Variants in TBC1D9 observed in about 807,000 individuals in gnomAD.
The protein encoded by TBC1D9 is TBC1 domain family member 9A.
A neutral mutation model predicts 132.0 loss-of-function variants in TBC1D9; 63 were observed. That is an observed-to-expected ratio of 0.48 (90% CI 0.39 to 0.59). TBC1D9 has a LOEUF of 0.59. Among genes scored for constraint, TBC1D9 ranks in the 20% least tolerant of loss-of-function variants. The pLI is 0.00. For missense variants in TBC1D9, 1,261 were observed against 1,592.7 expected, an observed-to-expected ratio of 0.79 and a Z score of 3.54; for synonymous variants, 610 against 609.9, an observed-to-expected ratio of 1.00 and a Z score of 0.00.
intron 1 of TBC1D9, among the ~76,000 whole-genome samples, chr4:140,720,200 G>A (rs1186352823): frequency 6.6e-6 from 1 of 152,212 alleles, no homozygotes; most frequent in Non-Finnish European, 1.5e-5. Context: ...TCAATAGCAA[G>A]GGAGTGCTTG....
At chr4:140,697,112 C>T (rs1737971888) in intron 2 of TBC1D9, among the ~76,000 whole-genome samples, 1 of 152,130 alleles carries the variant, frequency 6.6e-6, no homozygotes, top group South Asian at 2.1e-4. Context: ...TGTGGTGGCT[C>T]ACACTTGTAA....
In TBC1D9 at chr4:140,657,641, A is replaced by G; in HGVS notation, c.2093T>C (p.Phe698Ser). The G allele has an allele frequency of 6.2e-7, 1 of 1,614,070 alleles. No homozygotes were observed. Among genetic ancestry groups the G allele is most frequent in the Non-Finnish European group, 8.5e-7 (1 of 1,179,904 alleles). Residue 698 changes from phenylalanine (F) to serine (S), a missense_variant, in exon 12 of 21, where the codon TTC (phenylalanine) becomes TCC (serine). This residue lies in a region of TBC1D9 where 618 missense variants were observed against 724.4 expected (regional missense o/e 0.85). Coordinates refer to ENST00000442267, the MANE Select transcript of TBC1D9 (RefSeq NM_015130.3). ...TATCACTTTAATTCCTTCATAGAAGAAACAGTCAACAACCACAACTGCACT... is the reference window on the plus strand; with the variant it reads ...TATCACTTTAATTCCTTCATAGAAGGAACAGTCAACAACCACAACTGCACT... ...FESAVVVVDC[F>S]FYEGIKVIFQ...
intron 1 of TBC1D9, among the ~76,000 whole-genome samples, chr4:140,714,444 G>A (rs1160589520): frequency 1.3e-5 from 2 of 152,154 alleles, no homozygotes; most frequent in African/African-American, 4.8e-5. Context: ...TTTCTTAATG[G>A]CGATTGAAAG....
chr4:140,695,159 A>T (rs919831447), intron 2 of TBC1D9, among the ~76,000 whole-genome samples: 2 of 152,224 alleles, frequency 1.3e-5, no homozygotes, highest in African/African-American at 4.8e-5. Context: ...TAATTATAAA[A>T]GCCAGCATGG....
At position 140,622,360 on chromosome 4, in the gene TBC1D9, G is replaced by C; in HGVS notation, c.3636C>G (p.Thr1212=). 6.2e-7 allele frequency: 1 copy of C among 1,613,608 alleles called. No individual in the cohort carries two copies. Among genetic ancestry groups the C allele is most frequent in the African/African-American group, 1.3e-5 (1 of 75,076 alleles). The stretch of plus-strand genomic sequence containing the variant: ...AGAGGGAGGCCAGGAACTGCTCGAA[G>C]GTGATGGCCCAGTCCCGGTCCAGGC... ...STSLDRDWAI[T]FEQFLASLLT... is the part of the protein sequence containing the mutation. The change falls in exon 21 of 21, where the codon ACC becomes ACG. Residue 1212 remains threonine, a synonymous_variant. Coordinates refer to ENST00000442267, the MANE Select transcript of TBC1D9 (RefSeq NM_015130.3).
chr4:140,623,015 A>C, intron 20 of TBC1D9, 98 bp from the exon 21 acceptor site: 1 of 1,386,628 alleles, frequency 7.2e-7, no homozygotes, highest in African/African-American at 1.5e-5. Context: ...GAACGCCTAA[A>C]GATCCCTGGA....
chr4:140,710,609 A>G (rs1020324942), intron 1 of TBC1D9, among the ~76,000 whole-genome samples: 1 of 151,880 alleles, frequency 6.6e-6, no homozygotes, highest in East Asian at 1.9e-4. Context: ...TCTCCTAAGC[A>G]CCCTCAAAAG....
chr4:140,725,192 T>A (rs1245143790), intron 1 of TBC1D9, among the ~76,000 whole-genome samples: 1 of 152,192 alleles, frequency 6.6e-6, no homozygotes, highest in Non-Finnish European at 1.5e-5. Context: ...AATGATGGCA[T>A]TGCCATATAA....
chr4:140,715,611 T>C lies in TBC1D9; in HGVS notation c.131-13997A>G, dbSNP rs554524141. ...TGCAAAGGCATTAACAGCAATAATG[T>C]TTTCCAGTCTTGCATCCAAATATTC... is the stretch of plus-strand genomic sequence containing the variant. On this transcript the variant is annotated intron_variant, in intron 1 of 20. Transcript: ENST00000442267. 7.0e-4 allele frequency among the ~76,000 whole-genome samples: 106 copies of C among 152,344 alleles called. 1 individual carries two copies. The highest frequency in any genetic ancestry group is 3.4e-3 in the Middle Eastern group (1 of 294).
At chr4:140,747,461 C>G (rs1452541013) in intron 1 of TBC1D9, among the ~76,000 whole-genome samples, 1 of 152,078 alleles carries the variant, frequency 6.6e-6, no homozygotes, top group Admixed American at 6.6e-5. Flanking sequence ...TTTCTACATA[C>G]TGAGGATAAT....
At chr4:140,625,492 C>T (rs1736691371) in intron 18 of TBC1D9, among the ~76,000 whole-genome samples, 1 of 152,112 alleles carries the variant, frequency 6.6e-6, no homozygotes, top group South Asian at 2.1e-4. Flanking sequence ...CTTCAACCAC[C>T]CAAAGCTGGC....
intron 4 of TBC1D9, 29 bp downstream of exon 4, chr4:140,679,585 AG>A: frequency 6.4e-7 from 1 of 1,561,906 alleles, no homozygotes; most frequent in Non-Finnish European, 8.8e-7. Context: ...GACTTTCCAA[AG>A]TTTCCTGCTG....
rs756530339 is a variant in TBC1D9, at chr4:140,639,326, T to C, written c.2436+4A>G. On this transcript the variant is annotated splice_donor_region_variant and intron_variant, in intron 14 of 20. Transcript: ENST00000442267. The stretch of plus-strand genomic sequence containing the variant: ...GGTTGCCTGCTACTTCTTAAAGGAC[T>C]TACCACGTTGCGTTTCGTAGTATCC... 6.2e-7 allele frequency: 1 copy of C among 1,606,706 alleles called. No homozygotes were observed. Among genetic ancestry groups the C allele is most frequent in the Non-Finnish European group, 8.5e-7 (1 of 1,175,766 alleles).
chr4:140,670,586 T>G, intron 7 of TBC1D9, 134 bp downstream of exon 7: 49 of 666,268 alleles, frequency 7.4e-5, no homozygotes, highest in Middle Eastern at 4.2e-4. Context: ...GAGATTTAAA[T>G]GAGATATTGC....
At chr4:140,643,499 G>A in intron 13 of TBC1D9, 4 of 882,834 alleles carry the variant, frequency 4.5e-6, no homozygotes, top group South Asian at 1.4e-5. Flanking sequence ...CGGCCTCCCG[G>A]GGCTCCAGTC....
rs758690641 is a variant in TBC1D9, at chr4:140,622,316, A to G, written c.3680T>C (p.Val1227Ala). 5 of 1,613,748 alleles carry G rather than the reference A, an allele frequency of 3.1e-6. No homozygotes were observed. The highest frequency in any genetic ancestry group is 1.7e-5 in the Admixed American group (1 of 60,008). Reference sequence around the variant, plus strand: ...GCACACGGGCTTGTCAAAGTACTTGACCAGGGCAGGCTCAGTTAAGAGGGA... The same window carrying G: ...GCACACGGGCTTGTCAAAGTACTTGGCCAGGGCAGGCTCAGTTAAGAGGGA... Reference protein sequence around the residue: ...LASLLTEPALVKYFDKPVCMM... With the variant: ...LASLLTEPALAKYFDKPVCMM... The change falls in exon 21 of 21, where the codon GTC (valine) becomes GCC (alanine). Residue 1227 changes from valine (V) to alanine (A), a missense_variant. Val to Ala is a moderately conservative substitution (Grantham distance 64). This residue lies in a region of TBC1D9 where 618 missense variants were observed against 724.4 expected (regional missense o/e 0.85). Coordinates refer to ENST00000442267, the MANE Select transcript of TBC1D9 (RefSeq NM_015130.3).
At chr4:140,687,612 A>G (rs934270377) in intron 2 of TBC1D9, among the ~76,000 whole-genome samples, 1 of 151,898 alleles carries the variant, frequency 6.6e-6, no homozygotes, top group Admixed American at 6.6e-5. Context: ...CTGCAATTAT[A>G]CTCAGAACTG....
chr4:140,754,852 C>A (rs922379312), intron 1 of TBC1D9, among the ~76,000 whole-genome samples: 12 of 151,914 alleles, frequency 7.9e-5, no homozygotes, highest in African/African-American at 2.7e-4. Context: ...CACATGACAC[C>A]TGAATTTTAA....
chr4:140,754,869 G>C (rs1236071670), intron 1 of TBC1D9, among the ~76,000 whole-genome samples: 1 of 151,944 alleles, frequency 6.6e-6, no homozygotes, highest in Non-Finnish European at 1.5e-5. Context: ...TTAATCTTAA[G>C]AAAATTAGTT....
Sources: gnomAD v4.1 joint callset for allele counts (sites outside exome capture counted in the v4.1 genomes callset) on GRCh38, gnomAD v4.1.1 for gene constraint, gnomAD v4.1.1 regional missense constraint, MANE v1.5 for transcripts, NCBI Gene and HGNC (gene_info 2026-07-23, HGNC 2026-07-21) for gene names.